Variants in BCAS3 observed in about 807,000 individuals in gnomAD.
BCAS3 encodes BCAS3 microtubule associated cell migration factor, also known as BCAS4/BCAS3 fusion.
A neutral mutation model predicts 116.1 loss-of-function variants in BCAS3; 53 were observed. That is an observed-to-expected ratio of 0.46 (90% CI 0.37 to 0.57). The LOEUF is 0.57. Ranked by LOEUF, BCAS3 falls within the 20% of genes least tolerant of loss-of-function variation. The probability of loss-of-function intolerance (pLI) is 0.00; values close to 1 mark genes in which losing one functional copy is unlikely to be tolerated. For missense variants in BCAS3, 917 were observed against 1,165.4 expected (o/e 0.79, Z 3.10); for synonymous variants, 391 against 408.2 (o/e 0.96, Z 0.51).
In BCAS3 at chr17:61,256,408, A is replaced by G. The variant is rs2048781958; in HGVS notation, c.2426-111919A>G. On this transcript the variant is annotated intron_variant, in intron 22 of 23. Transcript: ENST00000407086. This position sits in a 1 kb window ranked among gnomAD's most constrained non-coding sequence, Gnocchi z 5.6. ...AACCTCCGCCTCTGGGGTTCAAGTG[A>G]TTCTCCTGTCTCAGCCTCCTGAGTA... 6.6e-6 allele frequency among the ~76,000 whole-genome samples: 1 copy of G among 152,094 alleles called. No individual in the cohort carries two copies. The highest frequency in any genetic ancestry group is 1.5e-5 in the Non-Finnish European group (1 of 68,024).
At chr17:60,984,864 G>T (rs2063028977) in intron 14 of BCAS3, among the ~76,000 whole-genome samples, 1 of 151,814 alleles carries the variant, frequency 6.6e-6, no homozygotes, top group Non-Finnish European at 1.5e-5. Context: ...ACAAAAATTA[G>T]ATGGGCGTGG....
At chr17:60,873,478 A>G (rs1217917234) in intron 8 of BCAS3, among the ~76,000 whole-genome samples, 1 of 152,200 alleles carries the variant, frequency 6.6e-6, no homozygotes, top group Admixed American at 6.5e-5. Context: ...TTTAGTAACA[A>G]TTATAATCTC....
intron 9 of BCAS3, among the ~76,000 whole-genome samples, chr17:60,880,670 G>A (rs2056040825): frequency 6.6e-6 from 1 of 152,168 alleles, no homozygotes; most frequent in Admixed American, 6.5e-5. Flanking sequence ...ATGCTTGTAT[G>A]GACACTAGTG....
intron 6 of BCAS3, among the ~76,000 whole-genome samples, chr17:60,792,467 G>A (rs2046861586): frequency 1.3e-5 from 2 of 152,222 alleles, no homozygotes; most frequent in African/African-American, 4.8e-5. Flanking sequence ...GCAGAGCACA[G>A]CCTGCCAGGC....
At chr17:61,291,074 C>A (rs1218134566) in intron 22 of BCAS3, among the ~76,000 whole-genome samples, 1 of 152,180 alleles carries the variant, frequency 6.6e-6, no homozygotes, top group Non-Finnish European at 1.5e-5. Context: ...GCCACCGCGC[C>A]CGGCCTAGTT....
chr17:60,701,817 A>AAAGAAAAAAAAG (rs1555668134), intron 4 of BCAS3, among the ~76,000 whole-genome samples: 6,744 of 149,216 alleles, frequency 0.045, 580 homozygotes, highest in African/African-American at 0.16. Flanking sequence ...AAAAAAAAAA[A>AAAGAAAAAAAAG]AAAAGAAAAA....
rs185548308 is a variant in BCAS3 at position 60,994,231 on chromosome 17, C to G, written c.1486+3996C>G. On this transcript the variant is annotated intron_variant, in intron 15 of 23. Coordinates refer to ENST00000407086, the MANE Select transcript of BCAS3 (RefSeq NM_017679.5). The surrounding 1 kb of genome is among the most constrained non-coding windows in gnomAD (Gnocchi z 4.4). ...AATATATTTTAAAATATTGTTTTTACTCATCACTACTTTGAAATTATGATT... is the reference window on the plus strand; with the variant it reads ...AATATATTTTAAAATATTGTTTTTAGTCATCACTACTTTGAAATTATGATT... 6.6e-6 allele frequency among the ~76,000 whole-genome samples: 1 copy of G among 151,958 alleles called. No homozygotes were observed. The highest frequency in any genetic ancestry group is 6.5e-5 in the Admixed American group (1 of 15,274).
At position 61,017,887 on chromosome 17, in the gene BCAS3, C is replaced by T. The variant is rs564146300; in HGVS notation, c.1637+1986C>T. Among the ~76,000 whole-genome samples the T allele has an allele frequency of 6.6e-6, 1 of 152,120 alleles. No homozygotes were observed. The highest frequency in any genetic ancestry group is 1.5e-5 in the Non-Finnish European group (1 of 68,000). The stretch of plus-strand genomic sequence containing the variant: ...AGTCATTTGGTGTCCTCCTGTGTTA[C>T]TACACATTATGAATTTAGATAAAAT... On this transcript the variant is annotated intron_variant, in intron 16 of 23. Transcript: ENST00000407086. The surrounding 1 kb of genome is among the most constrained non-coding windows in gnomAD (Gnocchi z 4.7).
At chr17:60,863,993 G>A (rs890301547) in intron 7 of BCAS3, among the ~76,000 whole-genome samples, 1 of 152,218 alleles carries the variant, frequency 6.6e-6, no homozygotes, top group Non-Finnish European at 1.5e-5. Context: ...GTATCAGGCA[G>A]TGCAGCTTTA....
Position 60,990,246 on chromosome 17 carries a change from C to T in BCAS3, c.1486+11C>T, listed in dbSNP as rs749702919. 1 of 1,609,992 alleles carries T rather than the reference C, an allele frequency of 6.2e-7. No individual in the cohort carries two copies. Among genetic ancestry groups the T allele is most frequent in the Non-Finnish European group, 8.5e-7 (1 of 1,176,788 alleles). ...GGTCACCCTTGCATGGTAATTTTCTCTGTCTCCACTGTTATCTTGAATCTT... is the reference window on the plus strand; with the variant it reads ...GGTCACCCTTGCATGGTAATTTTCTTTGTCTCCACTGTTATCTTGAATCTT... On this transcript the variant is annotated intron_variant, in intron 15 of 23. Coordinates refer to ENST00000407086, the MANE Select transcript of BCAS3 (RefSeq NM_017679.5). The surrounding 1 kb of genome is among the most constrained non-coding windows in gnomAD (Gnocchi z 5.1).
At chr17:61,288,468 G>T (rs149041754) in intron 22 of BCAS3, among the ~76,000 whole-genome samples, 3 of 152,310 alleles carry the variant, frequency 2.0e-5, no homozygotes, top group Non-Finnish European at 4.4e-5. Flanking sequence ...GCTATAGATT[G>T]TCCTAGCTTT....
At chr17:60,847,494 G>C (rs1448217251) in intron 7 of BCAS3, among the ~76,000 whole-genome samples, 2 of 152,178 alleles carry the variant, frequency 1.3e-5, no homozygotes, top group South Asian at 4.1e-4. Flanking sequence ...ACCAATACTT[G>C]TTATTTTCTG....
intron 19 of BCAS3, among the ~76,000 whole-genome samples, chr17:61,049,248 C>A (rs1270245957): frequency 2.0e-5 from 3 of 151,816 alleles, no homozygotes; most frequent in African/African-American, 7.3e-5. Flanking sequence ...CTGCAGTGAA[C>A]CATGATTCTG....
At chr17:61,236,289 G>A (rs561113925) in intron 22 of BCAS3, among the ~76,000 whole-genome samples, 1 of 152,252 alleles carries the variant, frequency 6.6e-6, no homozygotes, top group South Asian at 2.1e-4. Flanking sequence ...TCTTATGTTG[G>A]AGATAATAAT....
At position 61,281,135 on chromosome 17, in the gene BCAS3, T is replaced by G. The variant is rs1450080032; in HGVS notation, c.2426-87192T>G. 6.6e-6 allele frequency among the ~76,000 whole-genome samples: 1 copy of G among 152,226 alleles called. No homozygotes were observed. The highest frequency in any genetic ancestry group is 1.9e-4 in the East Asian group (1 of 5,200). ...AAAATACACTACTATGCACACTCTT[T>G]CCATATATCAATACATCTTGGAGAT... is the stretch of plus-strand genomic sequence containing the variant. On this transcript the variant is annotated intron_variant, in intron 22 of 23. Transcript: ENST00000407086. This position sits in a 1 kb window ranked among gnomAD's most constrained non-coding sequence, Gnocchi z 4.2.
At chr17:60,859,473 G>T (rs1261107695) in intron 7 of BCAS3, among the ~76,000 whole-genome samples, 1 of 151,952 alleles carries the variant, frequency 6.6e-6, no homozygotes, top group Non-Finnish European at 1.5e-5. Flanking sequence ...GCATTAATTC[G>T]CTTAGGATAA....
intron 6 of BCAS3, among the ~76,000 whole-genome samples, chr17:60,776,609 C>T (rs193233535): frequency 6.6e-6 from 1 of 151,546 alleles, no homozygotes; most frequent in African/African-American, 2.4e-5. Context: ...ATCCCAGCTA[C>T]TCAGGAGGCT....
At chr17:60,787,240 C>T (rs2046357925) in intron 6 of BCAS3, among the ~76,000 whole-genome samples, 2 of 151,910 alleles carry the variant, frequency 1.3e-5, no homozygotes, top group Admixed American at 1.3e-4. Context: ...TAATCTATAC[C>T]CCTGTAAAGA....
intron 5 of BCAS3, among the ~76,000 whole-genome samples, chr17:60,734,812 T>G (rs114862048): frequency 1.4e-4 from 21 of 152,336 alleles, no homozygotes; most frequent in African/African-American, 5.1e-4. Context: ...TTCTGAATTT[T>G]TTACCTCTCC....
Sources: allele counts gnomAD v4.1 joint callset (sites outside exome capture counted in the v4.1 genomes callset), GRCh38; gene constraint gnomAD v4.1.1; non-coding constraint Gnocchi (gnomAD v3.1); transcripts MANE v1.5; gene names NCBI Gene and HGNC (gene_info 2026-07-23, HGNC 2026-07-21).